The following OSBPL1A variants were observed in gnomAD, a reference collection of about 807,000 sequenced individuals.
The protein encoded by OSBPL1A is oxysterol binding protein like 1A.
Under a neutral mutation model 137.1 loss-of-function variants are expected in OSBPL1A, and 80 were observed. The observed-to-expected ratio is 0.58, with a 90% confidence interval of 0.49 to 0.70. The LOEUF (loss-of-function observed/expected upper bound fraction) is 0.70. Among genes scored for constraint, OSBPL1A ranks in the 30% least tolerant of loss-of-function variants. OSBPL1A has a pLI of 0.00. For synonymous variants in OSBPL1A, 365 were observed against 389.7 expected, an observed-to-expected ratio of 0.94 and a Z score of 0.75; for missense variants, 970 against 1,129.4, an observed-to-expected ratio of 0.86 and a Z score of 2.02.
chr18:24,335,216 C>T (rs1207432805), intron 5 of OSBPL1A, among the ~76,000 whole-genome samples: 1 of 152,166 alleles, frequency 6.6e-6, no homozygotes, highest in Admixed American at 6.5e-5. Flanking sequence ...TACTTTGGCA[C>T]TTACTACATG....
intron 18 of OSBPL1A, among the ~76,000 whole-genome samples, chr18:24,186,213 C>T (rs970732880): frequency 2.0e-5 from 3 of 151,662 alleles, no homozygotes; most frequent in Non-Finnish European, 4.4e-5. Flanking sequence ...AAAAGAGTAG[C>T]AAAAAAAGTA....
chr18:24,189,522 A>G (rs990251601), intron 18 of OSBPL1A, among the ~76,000 whole-genome samples: 1 of 152,148 alleles, frequency 6.6e-6, no homozygotes. Flanking sequence ...TGCAAGATGA[A>G]GATGGCACTG....
At chr18:24,315,621 A>C (rs2090706763) in intron 11 of OSBPL1A, among the ~76,000 whole-genome samples, 1 of 101,936 alleles carries the variant, frequency 9.8e-6, no homozygotes, top group Admixed American at 1.1e-4. Context: ...ATCATAATAT[A>C]ATTAATTATA....
chr18:24,220,872 C>G (rs377720883), intron 17 of OSBPL1A, among the ~76,000 whole-genome samples: 7 of 151,860 alleles, frequency 4.6e-5, no homozygotes, highest in Admixed American at 6.6e-5. Flanking sequence ...GTGTATAATG[C>G]CATGATCTTG....
At chr18:24,350,744 A>C (rs770654265) in intron 4 of OSBPL1A, among the ~76,000 whole-genome samples, 2 of 152,246 alleles carry the variant, frequency 1.3e-5, no homozygotes, top group Non-Finnish European at 2.9e-5. Flanking sequence ...TCTGAGAGAA[A>C]GTGATTTCCA....
intron 13 of OSBPL1A, 71 bp from the exon 14 acceptor site, chr18:24,303,789 T>G: frequency 7.6e-7 from 1 of 1,322,332 alleles, no homozygotes; most frequent in Non-Finnish European, 1.1e-6. Context: ...CTTTAGTGTT[T>G]CTATCAAAAC....
At chr18:24,347,428 G>T (rs890734869) in intron 4 of OSBPL1A, among the ~76,000 whole-genome samples, 1 of 152,042 alleles carries the variant, frequency 6.6e-6, no homozygotes, top group Non-Finnish European at 1.5e-5. Context: ...CAGGCGATCC[G>T]CCCGTCTTGG....
intron 15 of OSBPL1A, among the ~76,000 whole-genome samples, chr18:24,257,444 A>G (rs2089314630): frequency 6.6e-6 from 1 of 152,176 alleles, no homozygotes; most frequent in African/African-American, 2.4e-5. Flanking sequence ...GAAAGAAACT[A>G]GACCCCTATC....
chr18:24,233,244 G>A (rs1212624472), intron 16 of OSBPL1A, among the ~76,000 whole-genome samples: 1 of 152,150 alleles, frequency 6.6e-6, no homozygotes, highest in African/African-American at 2.4e-5. Context: ...CTAAAGTCAT[G>A]TACCTTTAGT....
intron 5 of OSBPL1A, 128 bp from the exon 6 acceptor site, chr18:24,334,458 T>G: frequency 1.8e-6 from 1 of 564,356 alleles, no homozygotes; most frequent in Non-Finnish European, 3.0e-6. Flanking sequence ...GCAGTTAAAA[T>G]TTATTGTTAT....
At chr18:24,274,235 A>C (rs957066753) in intron 15 of OSBPL1A, among the ~76,000 whole-genome samples, 1 of 121,246 alleles carries the variant, frequency 8.2e-6, no homozygotes, top group African/African-American at 3.3e-5. Context: ...CTCCTTCACA[A>C]AAAAAAAAAA....
intron 17 of OSBPL1A, among the ~76,000 whole-genome samples, chr18:24,222,838 C>T (rs755815308): frequency 2.6e-5 from 4 of 151,908 alleles, no homozygotes; most frequent in African/African-American, 4.8e-5. Context: ...GTTTATAATC[C>T]GTATGTTTCC....
chr18:24,261,179 A>G (rs2089438105), intron 15 of OSBPL1A, among the ~76,000 whole-genome samples: 1 of 152,222 alleles, frequency 6.6e-6, no homozygotes, highest in Non-Finnish European at 1.5e-5. Context: ...ATATGATTCC[A>G]TTACTATAAA....
At chr18:24,225,578 G>C (rs1022474682) in intron 16 of OSBPL1A, among the ~76,000 whole-genome samples, 6 of 152,086 alleles carry the variant, frequency 3.9e-5, no homozygotes, top group African/African-American at 1.4e-4. Flanking sequence ...TAAAACTCAT[G>C]TATAATGAAA....
At chr18:24,286,969 G>A (rs1202011441) in intron 14 of OSBPL1A, among the ~76,000 whole-genome samples, 1 of 152,056 alleles carries the variant, frequency 6.6e-6, no homozygotes, top group Non-Finnish European at 1.5e-5. Context: ...CTGATCAAAG[G>A]GAGACTTTAG....
Position 24,314,290 on chromosome 18 carries a change from C to A in OSBPL1A, c.928G>T (p.Gly310Cys). The A allele has an allele frequency of 4.3e-6, 7 of 1,611,848 alleles. No homozygotes were observed. Among genetic ancestry groups the A allele is most frequent in the Non-Finnish European group, 5.9e-6 (7 of 1,179,304 alleles). The change falls in exon 12 of 28, where the codon GGC becomes TGC. Residue 310 changes from glycine to cysteine, a missense_variant. Physicochemically the swap from Gly to Cys is radical, Grantham distance 159. This residue lies in a region of OSBPL1A where 647 missense variants were observed against 672.6 expected (regional missense o/e 0.96). Transcript: ENST00000319481. ...AGGCTATTCTTAGGAACCCGGAAGCCATGAATGGTGTCATCAAAGCATTTA... is the reference window on the plus strand; with the variant it reads ...AGGCTATTCTTAGGAACCCGGAAGCAATGAATGGTGTCATCAAAGCATTTA... ...FIKCFDDTIH[G>C]FRVPKNSLQQ...
At chr18:24,241,063 G>T (rs867401406) in intron 15 of OSBPL1A, among the ~76,000 whole-genome samples, 25 of 152,154 alleles carry the variant, frequency 1.6e-4, no homozygotes, top group Admixed American at 2.6e-4. Context: ...TGGGAAAACT[G>T]GCTAGCCATA....
At chr18:24,261,460 T>C (rs977281127) in intron 15 of OSBPL1A, among the ~76,000 whole-genome samples, 2 of 152,114 alleles carry the variant, frequency 1.3e-5, no homozygotes, top group Non-Finnish European at 2.9e-5. Context: ...CATTTAGCAA[T>C]AGGAAGGGCA....
At chr18:24,175,176 ATTG>A (rs1279508279) in intron 21 of OSBPL1A, among the ~76,000 whole-genome samples, 1 of 132,784 alleles carries the variant, frequency 7.5e-6, no homozygotes, top group African/African-American at 3.1e-5. Flanking sequence ...TTCATTTTTT[ATTG>A]TTCTTTTTTG....
Sources: gnomAD v4.1 joint callset for allele counts (sites outside exome capture counted in the v4.1 genomes callset) on GRCh38, gnomAD v4.1.1 for gene constraint, gnomAD v4.1.1 regional missense constraint, MANE v1.5 for transcripts, NCBI Gene and HGNC (gene_info 2026-07-23, HGNC 2026-07-21) for gene names.